ZNF236: variants seen among roughly 807,000 people sequenced by gnomAD.
The protein encoded by ZNF236 is zinc finger protein 236.
A neutral mutation model predicts 191.2 loss-of-function variants in ZNF236; 50 were observed. That is an observed-to-expected ratio of 0.26 (90% confidence interval 0.21 to 0.33). The LOEUF (loss-of-function observed/expected upper bound fraction) is 0.33. Ranked by LOEUF, ZNF236 falls within the 10% of genes least tolerant of loss-of-function variation. ZNF236 has a pLI of 1.00. For missense variants in ZNF236, 1,754 were observed against 2,374.5 expected (o/e 0.74, Z 5.43); for synonymous variants, 907 against 928.8 (o/e 0.98, Z 0.43).
Position 76,915,827 on chromosome 18 carries a change from C to A in ZNF236, c.3242C>A (p.Ala1081Asp). 2.5e-6 allele frequency: 4 copies of A among 1,614,068 alleles called. No individual in the cohort carries two copies. Among genetic ancestry groups the A allele is most frequent in the Non-Finnish European group, 3.4e-6 (4 of 1,179,928 alleles). ...AAGAGACACCAAACAGTCCCCTCTG[C>A]TGTGTCAGCCACTGGAGAGACAGAA... ...HMKRHQTVPS[A>D]VSATGETEGG... The change falls in exon 19 of 31, where the codon GCT becomes GAT. Residue 1081 changes from alanine (A) to aspartate (D), a missense_variant. Coordinates refer to ENST00000320610, the MANE Select transcript of ZNF236 (RefSeq NM_001306089.2).
chr18:76,895,590 A>C (rs535055863), intron 10 of ZNF236, among the ~76,000 whole-genome samples: 4 of 152,056 alleles, frequency 2.6e-5, no homozygotes, highest in African/African-American at 4.8e-5. Flanking sequence ...CAGGGACTGC[A>C]CACAGTACTG....
intron 15 of ZNF236, 91 bp downstream of exon 15, chr18:76,910,260 C>T: frequency 2.6e-6 from 3 of 1,137,776 alleles, no homozygotes; most frequent in Admixed American, 2.2e-5. Flanking sequence ...TCTCTTAAGG[C>T]CCTTCTAAAG....
intron 1 of ZNF236, among the ~76,000 whole-genome samples, chr18:76,842,195 G>A (rs531996794): frequency 6.6e-6 from 1 of 152,058 alleles, no homozygotes; most frequent in East Asian, 1.9e-4. Context: ...AATATGACTG[G>A]CCTTCCCCCC....
chr18:76,855,480 A>G (rs1420454914), intron 3 of ZNF236, among the ~76,000 whole-genome samples: 1 of 152,138 alleles, frequency 6.6e-6, no homozygotes, highest in African/African-American at 2.4e-5. Flanking sequence ...TCAACCCATA[A>G]TATTCTGTGC....
At chr18:76,841,436 C>G (rs1975500421) in intron 1 of ZNF236, among the ~76,000 whole-genome samples, 1 of 151,630 alleles carries the variant, frequency 6.6e-6, no homozygotes, top group African/African-American at 2.4e-5. Context: ...CTATTAAGGA[C>G]CACTTAATGA....
chr18:76,868,246 A>G (rs1487326026), intron 3 of ZNF236, among the ~76,000 whole-genome samples: 1 of 152,120 alleles, frequency 6.6e-6, no homozygotes, highest in Admixed American at 6.6e-5. Flanking sequence ...TCTATCTACT[A>G]AAAACTTGGA....
At position 76,919,319 on chromosome 18, in the gene ZNF236, A is replaced by G. The variant is rs2122801056; in HGVS notation, c.3275-457A>G. Among the ~76,000 whole-genome samples the G allele has an allele frequency of 6.6e-6, 1 of 152,282 alleles. No homozygotes were observed. The highest frequency in any genetic ancestry group is 2.1e-4 in the South Asian group (1 of 4,822). On this transcript the variant is annotated intron_variant, in intron 19 of 30. Transcript: ENST00000320610. This position sits in a 1 kb window ranked among gnomAD's most constrained non-coding sequence, Gnocchi z 5.3. ...TAATATTTCTACATATTTATGACGC[A>G]CATGTGATATTTTGTTTCATGTATA...
At chr18:76,951,143 G>A (rs1005375936) in intron 27 of ZNF236, among the ~76,000 whole-genome samples, 1 of 152,182 alleles carries the variant, frequency 6.6e-6, no homozygotes, top group African/African-American at 2.4e-5. Flanking sequence ...ATTCTTAAGG[G>A]CCTTAGGATT....
At chr18:76,833,908 C>T (rs1408654029) in intron 1 of ZNF236, among the ~76,000 whole-genome samples, 1 of 152,124 alleles carries the variant, frequency 6.6e-6, no homozygotes, top group African/African-American at 2.4e-5. Flanking sequence ...CCAGGCTTGT[C>T]TTGAACTCCT....
chr18:76,949,245 C>G (rs1968346938), intron 27 of ZNF236, among the ~76,000 whole-genome samples: 1 of 152,130 alleles, frequency 6.6e-6, no homozygotes, highest in South Asian at 2.1e-4. Context: ...AACTACTTTG[C>G]TATTTTTTAA....
At chr18:76,882,135 A>G (rs1976918964) in intron 9 of ZNF236, among the ~76,000 whole-genome samples, 3 of 152,188 alleles carry the variant, frequency 2.0e-5, no homozygotes, top group Admixed American at 6.5e-5. Context: ...GTTTCTAGGC[A>G]TCCCTGTGTT....
chr18:76,917,057 A>G (rs1409037584), intron 19 of ZNF236, among the ~76,000 whole-genome samples: 3 of 152,218 alleles, frequency 2.0e-5, no homozygotes, highest in Non-Finnish European at 4.4e-5. Context: ...CAAAGTAACA[A>G]AAACTGCGAC....
At chr18:76,833,301 T>C (rs950452841) in intron 1 of ZNF236, among the ~76,000 whole-genome samples, 1 of 152,102 alleles carries the variant, frequency 6.6e-6, no homozygotes, top group African/African-American at 2.4e-5. Flanking sequence ...GGAGGAAAAT[T>C]ATATTATTAA....
At chr18:76,920,949 A>G (rs965696874) in intron 20 of ZNF236, among the ~76,000 whole-genome samples, 4 of 152,268 alleles carry the variant, frequency 2.6e-5, no homozygotes, top group African/African-American at 9.6e-5. Flanking sequence ...GTTTCTGTAT[A>G]TAACAGGGAT....
chr18:76,909,192 G>T (rs1242415921), intron 14 of ZNF236, among the ~76,000 whole-genome samples: 1 of 151,936 alleles, frequency 6.6e-6, no homozygotes, highest in Non-Finnish European at 1.5e-5. Context: ...GTGCATACCT[G>T]TAATCTCAGC....
intron 2 of ZNF236, 106 bp downstream of exon 2, chr18:76,849,774 A>G (rs1021709861): frequency 2.8e-5 from 29 of 1,052,846 alleles, no homozygotes; most frequent in Non-Finnish European, 3.6e-5. Context: ...CCTAAATAGT[A>G]GAACATTTTA....
Position 76,868,861 on chromosome 18 carries a change from T to A in ZNF236, c.540T>A (p.Ile180=), listed in dbSNP as rs1976502227. The change falls in exon 4 of 31, where the codon ATT becomes ATA. Residue 180 remains isoleucine (I), a splice_region_variant and synonymous_variant. Coordinates refer to ENST00000320610, the MANE Select transcript of ZNF236 (RefSeq NM_001306089.2). Reference sequence around the variant, plus strand: ...AACACATGAAGACTCATTACAAAATTAGGTATGAGTCATTACATGGGCTTG... The same window carrying A: ...AACACATGAAGACTCATTACAAAATAAGGTATGAGTCATTACATGGGCTTG... ...LKEHMKTHYK[I]RVSSTRSYNR... The A allele has an allele frequency of 1.3e-6, 2 of 1,595,808 alleles. No homozygotes were observed. Among genetic ancestry groups the A allele is most frequent in the South Asian group, 2.2e-5 (2 of 88,982 alleles).
intron 1 of ZNF236, among the ~76,000 whole-genome samples, chr18:76,838,390 A>G (rs913824168): frequency 3.3e-5 from 5 of 152,244 alleles, no homozygotes; most frequent in African/African-American, 1.2e-4. Context: ...TTTATCTCTC[A>G]GAGACTTCAC....
chr18:76,908,648 T>C lies in ZNF236; in HGVS notation c.2551+75T>C, dbSNP rs60537866. 1.1e-3 allele frequency: 1,722 copies of C among 1,524,048 alleles called. 27 individuals carry two copies. In the East Asian group the frequency reaches 0.036, roughly 32 times the overall value. The allele number at this position is 1,524,048 out of a possible 1,614,324, so 94.4% of individuals were successfully genotyped here. A position where few individuals can be genotyped will look rare whatever the true frequency, so the allele number is the denominator to read the frequency against. On this transcript the variant is annotated intron_variant, in intron 14 of 30. Transcript: ENST00000320610. ...AGCCTTTCCCACTCATTGCAGTCCATTGGTGTCTCCCATCACTGACTTTTA... is the reference window on the plus strand; with the variant it reads ...AGCCTTTCCCACTCATTGCAGTCCACTGGTGTCTCCCATCACTGACTTTTA...
Sources: allele counts gnomAD v4.1 joint callset (sites outside exome capture counted in the v4.1 genomes callset), GRCh38; gene constraint gnomAD v4.1.1; non-coding constraint Gnocchi (gnomAD v3.1); transcripts MANE v1.5; gene names NCBI Gene and HGNC (gene_info 2026-07-23, HGNC 2026-07-21).